The following F2R variants were observed in gnomAD, a reference collection of about 807,000 sequenced individuals.
F2R encodes the protein coagulation factor II thrombin receptor.
In F2R, 12 loss-of-function variants were observed where a neutral mutation model predicts 18.3. That is an observed-to-expected ratio of 0.66 (90% CI 0.42 to 1.06). The LOEUF is 1.06. Among genes scored for constraint, F2R ranks in the 50% least tolerant of loss-of-function variants. The probability of loss-of-function intolerance (pLI) is 0.00; values close to 1 mark genes in which losing one functional copy is unlikely to be tolerated. For missense variants in F2R, 438 were observed against 530.8 expected (o/e 0.83, Z 1.72); for synonymous variants, 210 against 219.9 (o/e 0.95, Z 0.40).
chr5:76,719,614 A>C (rs1473167546), intron 1 of F2R, among the ~76,000 whole-genome samples: 4 of 150,970 alleles, frequency 2.6e-5, no homozygotes, highest in Non-Finnish European at 5.9e-5. Context: ...TGGAATTGGG[A>C]GTTGACCACA....
chr5:76,729,855 G>A (rs879490332), intron 1 of F2R, among the ~76,000 whole-genome samples: 1 of 152,086 alleles, frequency 6.6e-6, no homozygotes, highest in Non-Finnish European at 1.5e-5. Context: ...CATGGAGACG[G>A]GTCTTTCCTG....
intron 1 of F2R, among the ~76,000 whole-genome samples, chr5:76,726,152 G>A (rs750761694): frequency 1.4e-4 from 21 of 152,228 alleles, no homozygotes; most frequent in Non-Finnish European, 3.1e-4. Flanking sequence ...CACTTTGGGA[G>A]GCTGAGGTGG....
intron 1 of F2R, among the ~76,000 whole-genome samples, chr5:76,725,894 A>G (rs1283393907): frequency 6.6e-6 from 1 of 152,176 alleles, no homozygotes; most frequent in African/African-American, 2.4e-5. Flanking sequence ...AAGTCTAGTG[A>G]CAGTTTTATT....
At chr5:76,726,680 G>A (rs919470573) in intron 1 of F2R, among the ~76,000 whole-genome samples, 1 of 152,132 alleles carries the variant, frequency 6.6e-6, no homozygotes, top group African/African-American at 2.4e-5. Flanking sequence ...CAGCTTGGGT[G>A]ACAGAGCAAG....
chr5:76,716,133 C>T lies in F2R; in HGVS notation c.-175C>T. Reference sequence around the variant, plus strand: ...GTCCCGCCCCGCCCCGCTAACCGCCCCAGACACAGCGCTCGCCGAGGGTCG... The same window carrying T: ...GTCCCGCCCCGCCCCGCTAACCGCCTCAGACACAGCGCTCGCCGAGGGTCG... On this transcript the variant is annotated 5_prime_UTR_variant, in exon 1 of 2. Transcript: ENST00000319211. 2.1e-6 allele frequency: 1 copy of T among 465,654 alleles called. No individual in the cohort carries two copies. Among genetic ancestry groups the T allele is most frequent in the Non-Finnish European group, 3.5e-6 (1 of 282,798 alleles). 28.8% of individuals were successfully genotyped at this position (465,654 alleles called of 1,614,324 possible).
Position 76,728,685 on chromosome 5 carries a change from C to CTTTTTT in F2R, c.89-3611_89-3606dup, listed in dbSNP as rs763418437. 5.0e-3 allele frequency among the ~76,000 whole-genome samples: 453 copies of CTTTTTT among 90,476 alleles called. 23 individuals are homozygous for CTTTTTT. Among genetic ancestry groups the CTTTTTT allele is most frequent in the Non-Finnish European group, 6.6e-3 (323 of 49,226 alleles). 59.4% of individuals were successfully genotyped at this position (90,476 alleles called of 152,430 possible). On this transcript the variant is annotated intron_variant, in intron 1 of 1. Transcript: ENST00000319211. Reference sequence around the variant, plus strand: ...AGATTGCAGCTATTGACATCCTGGTCTTTTTTTTTTTTTTTTTTTTTTTGA... The same window carrying CTTTTTT: ...AGATTGCAGCTATTGACATCCTGGTCTTTTTTTTTTTTTTTTTTTTTTTTTTTTTGA...
chr5:76,726,186 A>G (rs922034421), intron 1 of F2R, among the ~76,000 whole-genome samples: 1 of 151,844 alleles, frequency 6.6e-6, no homozygotes, highest in Non-Finnish European at 1.5e-5. Context: ...GGCCAGGAGC[A>G]TGAGACTAGC....
chr5:76,728,902 G>C, intron 1 of F2R, among the ~76,000 whole-genome samples: 1 of 152,100 alleles, frequency 6.6e-6, no homozygotes, highest in East Asian at 1.9e-4. Flanking sequence ...TGTTGGCCAG[G>C]CTGGTCTCAA....
At chr5:76,718,051 G>A (rs1046495534) in intron 1 of F2R, among the ~76,000 whole-genome samples, 1 of 152,142 alleles carries the variant, frequency 6.6e-6, no homozygotes, top group Non-Finnish European at 1.5e-5. Context: ...GAAAAGGAGC[G>A]CTTGCTAAGT....
Position 76,733,729 on chromosome 5 carries a change from A to G in F2R, c.*226A>G, listed in dbSNP as rs1315661985. On this transcript the variant is annotated 3_prime_UTR_variant, in exon 2 of 2. Coordinates refer to ENST00000319211, the MANE Select transcript of F2R (RefSeq NM_001992.5). ...ATTCCAAGGGAATATTGCCAATGCT[A>G]CAGTAATAAATGAATGTCACTTCTG... The G allele has an allele frequency of 5.5e-6, 3 of 540,670 alleles. No individual in the cohort carries two copies. Among genetic ancestry groups the G allele is most frequent in the Non-Finnish European group, 9.8e-6 (3 of 304,616 alleles). The allele number at this position is 540,670 out of a possible 1,614,324, so 33.5% of individuals were successfully genotyped here. A position where few individuals can be genotyped will look rare whatever the true frequency, so the allele number is the denominator to read the frequency against.
intron 1 of F2R, 85 bp downstream of exon 1, chr5:76,716,480 C>T (rs574008403): frequency 1.7e-6 from 2 of 1,174,278 alleles, no homozygotes; most frequent in East Asian, 3.0e-5. Flanking sequence ...TTCTCCTCAC[C>T]CCTGCCTCAG....
chr5:76,717,585 G>A (rs1478171504), intron 1 of F2R, among the ~76,000 whole-genome samples: 1 of 152,072 alleles, frequency 6.6e-6, no homozygotes, highest in African/African-American at 2.4e-5. Context: ...TCCAGACTGG[G>A]GCCCAGTGTT....
At position 76,734,814 on chromosome 5, in the gene F2R, T is replaced by C. The variant is rs1444308702; in HGVS notation, c.*1311T>C. 3 of 152,372 alleles carry C rather than the reference T, an allele frequency of 2.0e-5. No homozygotes were observed. Among genetic ancestry groups the C allele is most frequent in the African/African-American group, 7.2e-5 (3 of 41,460 alleles). The allele number at this position is 152,372 out of a possible 1,614,324, so 9.4% of individuals were successfully genotyped here. On this transcript the variant is annotated 3_prime_UTR_variant, in exon 2 of 2. Coordinates refer to ENST00000319211, the MANE Select transcript of F2R (RefSeq NM_001992.5). ...TGTGGTTATAACTTAATGAAAACAA[T>C]GCAGTACAGGACATATATTTTTTAA... is the stretch of plus-strand genomic sequence containing the variant.
rs1748336669 is a variant in F2R at position 76,716,182 on chromosome 5, G to A, written c.-126G>A. 9.1e-6 allele frequency: 6 copies of A among 662,048 alleles called. No individual in the cohort carries two copies. In the South Asian group the frequency reaches 2.0e-4, roughly 22 times the overall value. The allele number at this position is 662,048 out of a possible 1,614,324, so 41.0% of individuals were successfully genotyped here. A position where few individuals can be genotyped will look rare whatever the true frequency, so the allele number is the denominator to read the frequency against. The stretch of plus-strand genomic sequence containing the variant: ...CGCTTGGACCCTGATCTTACCCGTG[G>A]GCACCCTGCGCTCTGCCTGCCGCGA... On this transcript the variant is annotated 5_prime_UTR_variant, in exon 1 of 2. Transcript: ENST00000319211.
At chr5:76,721,965 CAT>C (rs1412855337) in intron 1 of F2R, among the ~76,000 whole-genome samples, 3 of 152,204 alleles carry the variant, frequency 2.0e-5, no homozygotes, top group Admixed American at 2.0e-4. Flanking sequence ...TAATTTAAAA[CAT>C]ATTGCAGCAG....
chr5:76,728,685 C>CTTTTTTTTTTT (rs763418437), intron 1 of F2R, among the ~76,000 whole-genome samples: 4 of 90,530 alleles, frequency 4.4e-5, no homozygotes, highest in Admixed American at 1.4e-4. Context: ...ACATCCTGGT[C>CTTTTTTTTTTT]TTTTTTTTTT....
intron 1 of F2R, 55 bp downstream of exon 1, chr5:76,716,450 G>A: frequency 7.5e-7 from 1 of 1,334,122 alleles, no homozygotes; most frequent in Non-Finnish European, 9.8e-7. Context: ...AGGGGAGACT[G>A]CGGGGGTCAC....
intron 1 of F2R, among the ~76,000 whole-genome samples, chr5:76,717,998 T>C (rs1748376475): frequency 6.6e-6 from 1 of 152,136 alleles, no homozygotes; most frequent in Non-Finnish European, 1.5e-5. Context: ...CACTGGATTC[T>C]GGAACCACTT....
intron 1 of F2R, among the ~76,000 whole-genome samples, chr5:76,726,008 T>C (rs1355279966): frequency 6.6e-6 from 1 of 152,210 alleles, no homozygotes; most frequent in Non-Finnish European, 1.5e-5. Flanking sequence ...TAAGTATGCA[T>C]GTTCATGTCC....
Sources: gnomAD v4.1 joint callset for allele counts (sites outside exome capture counted in the v4.1 genomes callset) on GRCh38, gnomAD v4.1.1 for gene constraint, MANE v1.5 for transcripts, NCBI Gene and HGNC (gene_info 2026-07-23, HGNC 2026-07-21) for gene names.